GRM1: variants seen among roughly 807,000 people sequenced by gnomAD.
The protein encoded by GRM1 is metabotropic glutamate receptor 1.
In GRM1, 33 loss-of-function variants were observed where a neutral mutation model predicts 90.9. That is an observed-to-expected ratio of 0.36 (90% CI 0.28 to 0.49). The LOEUF (loss-of-function observed/expected upper bound fraction) is 0.49, where lower values mean the gene tolerates loss of function less well. Ranked by LOEUF, GRM1 falls within the 20% of genes least tolerant of loss-of-function variation. The pLI, the probability that GRM1 is intolerant of heterozygous loss-of-function variation, is 0.99. For synonymous variants in GRM1, 700 were observed against 613.2 expected, an observed-to-expected ratio of 1.14 and a Z score of -2.09; for missense variants, 1,190 against 1,534.3, an observed-to-expected ratio of 0.78 and a Z score of 3.75.
chr6:146,114,234 T>C (rs1214941396), intron 1 of GRM1, among the ~76,000 whole-genome samples: 1 of 152,210 alleles, frequency 6.6e-6, no homozygotes, highest in Admixed American at 6.5e-5. Flanking sequence ...CTAATGGTTG[T>C]TTAGAATCTA....
At chr6:146,408,754 C>A (rs1239923110) in intron 7 of GRM1, among the ~76,000 whole-genome samples, 2 of 152,076 alleles carry the variant, frequency 1.3e-5, no homozygotes, top group African/African-American at 2.4e-5. Context: ...AGAAGGACAC[C>A]CTGTATGACA....
chr6:146,176,506 A>C (rs1778342754), intron 2 of GRM1, among the ~76,000 whole-genome samples: 1 of 151,982 alleles, frequency 6.6e-6, no homozygotes, highest in Non-Finnish European at 1.5e-5. Flanking sequence ...TAACATACTA[A>C]AATTTTGGTT....
rs1777088145 is a variant in GRM1 at position 146,399,751 on chromosome 6, T to TCTC, written c.2660+52_2660+53insCTC. The TCTC allele has an allele frequency of 1.3e-5, 14 of 1,063,348 alleles. No individual in the cohort carries two copies. In the Admixed American group the frequency reaches 2.0e-4, roughly 15 times the overall value. 65.9% of individuals were successfully genotyped at this position (1,063,348 alleles called of 1,614,324 possible). ...CTTTTCTCTTCCTTTCTCTGTCTCT[T>TCTC]TCTCTCTCTCTCTCTCTCTCTCTTT... On this transcript the variant is annotated intron_variant, in intron 7 of 7. Coordinates refer to ENST00000282753, the MANE Select transcript of GRM1 (RefSeq NM_001278064.2). The surrounding 1 kb of genome is among the most constrained non-coding windows in gnomAD (Gnocchi z 5.4).
At chr6:146,397,862 A>G (rs1416066032) in intron 6 of GRM1, among the ~76,000 whole-genome samples, 1 of 152,216 alleles carries the variant, frequency 6.6e-6, no homozygotes, top group East Asian at 1.9e-4. Flanking sequence ...CCTTGTTGCC[A>G]TGGCTACAGA....
At chr6:146,111,992 G>A (rs1211654791) in intron 1 of GRM1, among the ~76,000 whole-genome samples, 1 of 152,150 alleles carries the variant, frequency 6.6e-6, no homozygotes, top group Non-Finnish European at 1.5e-5. Flanking sequence ...CATGCACAAT[G>A]TGGCACTCTA....
intron 1 of GRM1, among the ~76,000 whole-genome samples, chr6:146,109,558 G>A (rs1158990074): frequency 1.3e-5 from 2 of 152,206 alleles, no homozygotes; most frequent in East Asian, 3.9e-4. Context: ...CCTCTGCTAG[G>A]GCAGCGCAGA....
intron 2 of GRM1, among the ~76,000 whole-genome samples, chr6:146,182,221 A>G (rs1007394254): frequency 6.6e-6 from 1 of 152,164 alleles, no homozygotes; most frequent in Non-Finnish European, 1.5e-5. Context: ...AGGGTCTGCA[A>G]ACAGATTTAT....
rs113391198 is a variant in GRM1, at chr6:146,309,196, C to T, written c.1186+4350C>T. On this transcript the variant is annotated intron_variant, in intron 3 of 7. Coordinates refer to ENST00000282753, the MANE Select transcript of GRM1 (RefSeq NM_001278064.2). ...GGCAGATGGCTTGAGGTCAGGAGTT[C>T]GAGACCAGCCTGGCCAACATGGTGA... Among the ~76,000 whole-genome samples the T allele has an allele frequency of 8.9e-3, 1,356 of 151,992 alleles. 18 individuals are homozygous for T. The highest frequency in any genetic ancestry group is 0.03 in the African/African-American group (1,231 of 41,462).
At chr6:146,355,927 C>T (rs979381673) in intron 4 of GRM1, among the ~76,000 whole-genome samples, 1 of 152,198 alleles carries the variant, frequency 6.6e-6, no homozygotes, top group African/African-American at 2.4e-5. Context: ...GGCCGTGACT[C>T]ATCTTCTAGT....
chr6:146,259,216 T>G (rs886231401), intron 2 of GRM1, among the ~76,000 whole-genome samples: 1 of 152,196 alleles, frequency 6.6e-6, no homozygotes, highest in East Asian at 1.9e-4. Flanking sequence ...TCAATTTTGA[T>G]GAAATTTAAA....
intron 1 of GRM1, among the ~76,000 whole-genome samples, chr6:146,154,176 A>G (rs887557334): frequency 6.6e-6 from 1 of 152,156 alleles, no homozygotes; most frequent in Non-Finnish European, 1.5e-5. Context: ...AAGGAGCAAA[A>G]TCTTTTCTTT....
intron 7 of GRM1, among the ~76,000 whole-genome samples, chr6:146,408,244 A>G (rs1328662817): frequency 6.6e-6 from 1 of 152,118 alleles, no homozygotes; most frequent in Non-Finnish European, 1.5e-5. Flanking sequence ...TTATCTTCCA[A>G]AGGCCCTACC....
intron 2 of GRM1, among the ~76,000 whole-genome samples, chr6:146,292,490 C>T (rs555679577): frequency 6.6e-6 from 1 of 151,900 alleles, no homozygotes; most frequent in African/African-American, 2.4e-5. Flanking sequence ...TCAAAGAAAA[C>T]ATACAAGTGA....
At chr6:146,290,283 G>C (rs115614906) in intron 2 of GRM1, among the ~76,000 whole-genome samples, 2 of 152,100 alleles carry the variant, frequency 1.3e-5, no homozygotes, top group African/African-American at 4.8e-5. Context: ...ATCCATGGAC[G>C]CAACTCTTGT....
At chr6:146,061,748 G>C (rs539337524) in intron 1 of GRM1, among the ~76,000 whole-genome samples, 14 of 152,086 alleles carry the variant, frequency 9.2e-5, no homozygotes, top group African/African-American at 3.4e-4. Context: ...TGAGTGATGA[G>C]AAATCACTAT....
intron 2 of GRM1, among the ~76,000 whole-genome samples, chr6:146,225,135 A>G (rs977847196): frequency 1.3e-5 from 2 of 152,128 alleles, no homozygotes; most frequent in Non-Finnish European, 2.9e-5. Context: ...TTCGTTTTGT[A>G]TGACCGATAT....
At chr6:146,380,293 C>T (rs1776271973) in intron 5 of GRM1, among the ~76,000 whole-genome samples, 1 of 151,964 alleles carries the variant, frequency 6.6e-6, no homozygotes, top group African/African-American at 2.4e-5. Context: ...TTTTATCATA[C>T]TGCAGCTGAG....
In GRM1 at chr6:146,433,560, CAGAG is replaced by C. The variant is rs920350353; in HGVS notation, c.2661-306_2661-303del. On this transcript the variant is annotated intron_variant, in intron 7 of 7. Transcript: ENST00000282753. ...TGTGTGTGTGTGTGTGTGTGTGTGTCAGAGAGAGACAGAGGGAGAGGGAGAGAGT... is the reference window on the plus strand; with the variant it reads ...TGTGTGTGTGTGTGTGTGTGTGTGTCAGAGACAGAGGGAGAGGGAGAGAGT... Among the ~76,000 whole-genome samples the C allele has an allele frequency of 4.4e-5, 6 of 134,984 alleles. No individual in the cohort carries two copies. In the East Asian group the frequency reaches 6.5e-4, roughly 15 times the overall value. 88.6% of individuals were successfully genotyped at this position (134,984 alleles called of 152,430 possible).
chr6:146,291,642 A>G (rs990500922), intron 2 of GRM1, among the ~76,000 whole-genome samples: 6 of 152,016 alleles, frequency 3.9e-5, no homozygotes, highest in African/African-American at 1.2e-4. Context: ...AAATTAAATA[A>G]GACACAAATA....
Sources: gnomAD v4.1 joint callset for allele counts (sites outside exome capture counted in the v4.1 genomes callset) on GRCh38, gnomAD v4.1.1 for gene constraint, Gnocchi (gnomAD v3.1) non-coding constraint, MANE v1.5 for transcripts, NCBI Gene and HGNC (gene_info 2026-07-23, HGNC 2026-07-21) for gene names.